ZDHHC15: variants seen among roughly 807,000 people sequenced by gnomAD.
The protein encoded by ZDHHC15 is palmitoyltransferase ZDHHC15.
Under a neutral mutation model 31.7 loss-of-function variants are expected in ZDHHC15, and 19 were observed. That is an observed-to-expected ratio of 0.60 (90% CI 0.42 to 0.88). ZDHHC15 has a LOEUF of 0.88. Among genes scored for constraint, ZDHHC15 ranks in the 40% least tolerant of loss-of-function variants. The probability of loss-of-function intolerance (pLI) is 0.00; values close to 1 mark genes in which losing one functional copy is unlikely to be tolerated. For synonymous variants in ZDHHC15, 103 were observed against 90.0 expected (o/e 1.14, Z -0.82); for missense variants, 209 against 251.2 (o/e 0.83, Z 1.14).
intron 4 of ZDHHC15, among the ~76,000 whole-genome samples, chrX:75,432,875 T>C (rs995665735): frequency 2.7e-5 from 3 of 111,088 alleles, no homozygotes; most frequent in Non-Finnish European, 3.8e-5. Flanking sequence ...CCTCAGCTAC[T>C]TGGGAGGCCG....
At chrX:75,390,417 C>T (rs1476149146) in intron 10 of ZDHHC15, among the ~76,000 whole-genome samples, 2 of 111,601 alleles carry the variant, frequency 1.8e-5, no homozygotes, top group Non-Finnish European at 3.8e-5. Flanking sequence ...GCTGTACAGG[C>T]TTCAGGGCTG....
At chrX:75,488,570 T>A (rs767280006) in intron 2 of ZDHHC15, among the ~76,000 whole-genome samples, 6 of 112,330 alleles carry the variant, frequency 5.3e-5, no homozygotes, top group Admixed American at 3.8e-4. Context: ...AAAATTTCCT[T>A]AAAGCATAAA....
chrX:75,505,717 T>G (rs11093537), intron 2 of ZDHHC15, 104 bp downstream of exon 2: 43,821 of 970,610 alleles, frequency 0.045, 1,723 homozygotes, highest in African/African-American at 0.25. Flanking sequence ...TCACCCAAGT[T>G]TATTTCTGGG....
intron 9 of ZDHHC15, among the ~76,000 whole-genome samples, chrX:75,421,391 T>TATATATA (rs1569320588): frequency 0.16 from 302 of 1,883 alleles, 10 homozygotes; most frequent in African/African-American, 0.21. Context: ...TGTGTGTATA[T>TATATATA]ATATATATTA....
At chrX:75,452,064 C>T (rs1209802296) in intron 3 of ZDHHC15, among the ~76,000 whole-genome samples, 2 of 110,662 alleles carry the variant, frequency 1.8e-5, no homozygotes, top group Admixed American at 9.7e-5. Context: ...GCTAAATGCC[C>T]TAATTAAAAA....
chrX:75,434,401 A>G (rs2083822950), intron 4 of ZDHHC15, among the ~76,000 whole-genome samples: 1 of 111,718 alleles, frequency 9.0e-6, no homozygotes, highest in Admixed American at 9.6e-5. Context: ...GTCATGAACT[A>G]TTTGCATAGG....
chrX:75,451,496 G>C (rs969321077), intron 3 of ZDHHC15, among the ~76,000 whole-genome samples: 1 of 111,854 alleles, frequency 8.9e-6, no homozygotes, highest in African/African-American at 3.2e-5. Context: ...TGCCACAATA[G>C]TGCCACATTT....
intron 10 of ZDHHC15, among the ~76,000 whole-genome samples, chrX:75,389,379 T>G (rs2147774309): frequency 9.1e-6 from 1 of 109,663 alleles, no homozygotes; most frequent in African/African-American, 3.3e-5. Context: ...CCAGCCAGGG[T>G]GGTCAAGGGA....
At chrX:75,456,552 G>T (rs1190853907) in intron 3 of ZDHHC15, among the ~76,000 whole-genome samples, 1 of 111,393 alleles carries the variant, frequency 9.0e-6, no homozygotes, top group Non-Finnish European at 1.9e-5. Context: ...GGAAACAACA[G>T]ATGCTGTCAA....
chrX:75,376,000 T>G (rs781136871), intron 11 of ZDHHC15, among the ~76,000 whole-genome samples: 2 of 111,955 alleles, frequency 1.8e-5, no homozygotes, highest in Non-Finnish European at 3.8e-5. Context: ...CCACGGTGGA[T>G]GGACTAATTT....
intron 3 of ZDHHC15, among the ~76,000 whole-genome samples, chrX:75,473,109 T>C (rs1393510725): frequency 2.7e-5 from 3 of 112,071 alleles, no homozygotes; most frequent in Non-Finnish European, 5.6e-5. Flanking sequence ...GCACTCACTT[T>C]ACGGCTAAAG....
At chrX:75,424,902 T>C (rs1323030348) in intron 7 of ZDHHC15, 118 bp from the exon 8 acceptor site, 10 of 800,692 alleles carry the variant, frequency 1.2e-5, no homozygotes, top group Middle Eastern at 4.1e-4. Flanking sequence ...ATTTAAAAAA[T>C]AGATTCTGTA....
chrX:75,431,761 T>C (rs746810916), intron 4 of ZDHHC15, among the ~76,000 whole-genome samples: 2 of 111,639 alleles, frequency 1.8e-5, no homozygotes, highest in Non-Finnish European at 3.8e-5. Flanking sequence ...CTTATCTGGA[T>C]ATCTGTCATA....
rs1365237327 is a variant in ZDHHC15 at position 75,395,313 on chromosome X, T to C, written c.968-16115A>G. 2.7e-5 allele frequency among the ~76,000 whole-genome samples: 3 copies of C among 111,342 alleles called. 1 individual carries two copies. Among genetic ancestry groups the C allele is most frequent in the Middle Eastern group, 9.3e-3 (2 of 215 alleles). ...TCTTATATTTGAAAAAACATAAAGA[T>C]TCCACAAAAAAAACATTAGATCTGA... is the stretch of plus-strand genomic sequence containing the variant. On this transcript the variant is annotated intron_variant, in intron 10 of 11. Coordinates refer to ENST00000373367, the MANE Select transcript of ZDHHC15 (RefSeq NM_144969.3).
At chrX:75,491,503 T>G (rs12842005) in intron 2 of ZDHHC15, among the ~76,000 whole-genome samples, 1 of 102,967 alleles carries the variant, frequency 9.7e-6, no homozygotes, top group African/African-American at 3.5e-5. Context: ...GAGGGATAGC[T>G]TTAGGAGATA....
At chrX:75,506,304 G>T (rs1417148839) in intron 1 of ZDHHC15, among the ~76,000 whole-genome samples, 1 of 111,700 alleles carries the variant, frequency 9.0e-6, no homozygotes, top group Admixed American at 9.6e-5. Context: ...ACAAACAAAA[G>T]ATGGTTTTCA....
At chrX:75,415,644 C>T (rs2083540968) in intron 10 of ZDHHC15, among the ~76,000 whole-genome samples, 2 of 112,123 alleles carry the variant, frequency 1.8e-5, no homozygotes, top group African/African-American at 6.5e-5. Flanking sequence ...AATAGGGATG[C>T]TATTAATAAC....
chrX:75,434,026 A>G (rs2083818018), intron 4 of ZDHHC15, among the ~76,000 whole-genome samples: 1 of 111,322 alleles, frequency 9.0e-6, no homozygotes, highest in Non-Finnish European at 1.9e-5. Context: ...TTTTTAAATT[A>G]CGGCCATTCT....
In ZDHHC15 at chrX:75,522,940, C is replaced by A; in HGVS notation, c.85G>T (p.Val29Phe). 8.3e-7 allele frequency: 1 copy of A among 1,211,818 alleles called. No individual in the cohort carries two copies. The highest frequency in any genetic ancestry group is 1.1e-6 in the Non-Finnish European group (1 of 895,510). Reference protein sequence around the residue: ...VLSWVPVLVIVLVVLWSYYAY... With the variant: ...VLSWVPVLVIFLVVLWSYYAY... ...TAGTAGGACCAGAGCACGACGAGGA[C>A]AATAACGAGCACTGGCACCCAGGAC... The change falls in exon 1 of 12, where the codon GTC (valine) becomes TTC (phenylalanine). Residue 29 changes from valine to phenylalanine, a missense_variant. Transcript: ENST00000373367.
Sources: gnomAD v4.1 joint callset for allele counts (sites outside exome capture counted in the v4.1 genomes callset) on GRCh38, gnomAD v4.1.1 for gene constraint, MANE v1.5 for transcripts, NCBI Gene and HGNC (gene_info 2026-07-23, HGNC 2026-07-21) for gene names.